Variants in SUGCT observed in about 807,000 individuals in gnomAD.
SUGCT encodes the protein succinyl-CoA:glutarate CoA-transferase.
A neutral mutation model predicts 55.0 loss-of-function variants in SUGCT; 41 were observed. That is an observed-to-expected ratio of 0.74 (90% confidence interval 0.58 to 0.97). The LOEUF is 0.97. Among genes scored for constraint, SUGCT ranks in the 50% least tolerant of loss-of-function variants. The probability of loss-of-function intolerance (pLI) is 0.00; values close to 1 mark genes in which losing one functional copy is unlikely to be tolerated. For synonymous variants in SUGCT, 187 were observed against 200.4 expected (o/e 0.93, Z 0.56); for missense variants, 568 against 547.8 (o/e 1.04, Z -0.37).
At position 40,316,807 on chromosome 7, in the gene SUGCT, G is replaced by A. The variant is rs777575898; in HGVS notation, c.768G>A (p.Lys256=). The A allele has an allele frequency of 2.0e-5, 32 of 1,603,362 alleles. No individual in the cohort carries two copies. The highest frequency in any genetic ancestry group is 2.6e-5 in the Non-Finnish European group (30 of 1,174,538). The change falls in exon 9 of 14, where the codon AAG becomes AAA. Residue 256 remains lysine, a synonymous_variant. Transcript: ENST00000335693. The part of the protein sequence containing the change: ...HIAANYLIGQ[K]EAKRWGTAHG... ...CTGCAAATTATCTTATTGGTCAAAAGGAAGCAAAACGTTGGGGTACAGCTC... is the reference window on the plus strand; with the variant it reads ...CTGCAAATTATCTTATTGGTCAAAAAGAAGCAAAACGTTGGGGTACAGCTC...
the SUGCT span, among the ~76,000 whole-genome samples, chr7:40,900,721 C>G: frequency 1.3e-5 from 2 of 152,182 alleles, no homozygotes; most frequent in African/African-American, 4.8e-5. Flanking sequence ...ACGAGGCAGC[C>G]TAGAAGCTGC....
At chr7:40,651,299 A>G (rs1416514961) in intron 12 of SUGCT, among the ~76,000 whole-genome samples, 2 of 152,108 alleles carry the variant, frequency 1.3e-5, no homozygotes, top group Admixed American at 1.3e-4. Context: ...CTGGTGTGAA[A>G]TTGTATTTCA....
intron 9 of SUGCT, among the ~76,000 whole-genome samples, chr7:40,366,151 C>G (rs913104419): frequency 5.9e-5 from 9 of 152,216 alleles, no homozygotes; most frequent in African/African-American, 2.2e-4. Flanking sequence ...CTGACAAAAA[C>G]AAGAAATGGG....
At chr7:41,008,182 G>A in the SUGCT span, among the ~76,000 whole-genome samples, 84 of 152,346 alleles carry the variant, frequency 5.5e-4, 1 homozygote, top group Non-Finnish European at 8.4e-4. Flanking sequence ...CCACTTGCCT[G>A]TGGGAGGGAG....
intron 12 of SUGCT, among the ~76,000 whole-genome samples, chr7:40,737,266 A>G (rs1012167496): frequency 2.6e-5 from 4 of 152,218 alleles, no homozygotes; most frequent in Admixed American, 1.3e-4. Context: ...GGATGTTGCT[A>G]TGAAAAAAAT....
chr7:40,157,989 A>G (rs1783976978), intron 1 of SUGCT, among the ~76,000 whole-genome samples: 1 of 152,088 alleles, frequency 6.6e-6, no homozygotes, highest in Non-Finnish European at 1.5e-5. Context: ...CAGGCAGATC[A>G]CGAGGTCAAG....
At chr7:40,184,456 A>G (rs1785384875) in intron 3 of SUGCT, among the ~76,000 whole-genome samples, 1 of 151,398 alleles carries the variant, frequency 6.6e-6, no homozygotes, top group Non-Finnish European at 1.5e-5. Flanking sequence ...TTTGTTTGAG[A>G]TGGAGTCTCA....
chr7:40,873,270 T>C, the SUGCT span, among the ~76,000 whole-genome samples: 27,198 of 152,168 alleles, frequency 0.18, 3,276 homozygotes, highest in East Asian at 0.71. Context: ...AAATGGTATT[T>C]TAAAGAATTG....
chr7:40,550,169 G>T (rs1288009911), intron 12 of SUGCT, among the ~76,000 whole-genome samples: 2 of 152,114 alleles, frequency 1.3e-5, no homozygotes, highest in Non-Finnish European at 2.9e-5. Flanking sequence ...ATCTATGCTG[G>T]TGGCTCTACT....
In SUGCT at chr7:40,677,409, A is replaced by G. The variant is rs1784054108; in HGVS notation, c.1090-72025A>G. On this transcript the variant is annotated intron_variant, in intron 12 of 13. Transcript: ENST00000335693. ...ATTAATTTACTTACCCAACAGTGTCATAAGGGACCTGAGCTGTTTGCTTGT... is the reference window on the plus strand; with the variant it reads ...ATTAATTTACTTACCCAACAGTGTCGTAAGGGACCTGAGCTGTTTGCTTGT... 2.0e-5 allele frequency among the ~76,000 whole-genome samples: 3 copies of G among 152,232 alleles called. No individual in the cohort carries two copies. In the South Asian group the frequency reaches 6.2e-4, roughly 31 times the overall value.
the SUGCT span, among the ~76,000 whole-genome samples, chr7:40,988,894 GTT>G: frequency 6.6e-6 from 1 of 151,452 alleles, no homozygotes; most frequent in African/African-American, 2.4e-5. Flanking sequence ...AATTTTTGTA[GTT>G]TTTTTTTGTT....
At chr7:40,562,673 A>T (rs1795905129) in intron 12 of SUGCT, among the ~76,000 whole-genome samples, 1 of 152,126 alleles carries the variant, frequency 6.6e-6, no homozygotes, top group Admixed American at 6.5e-5. Flanking sequence ...TAAGGGCCTG[A>T]CCTAAATCGT....
At chr7:40,153,010 A>G (rs1788662159) in intron 1 of SUGCT, 2 of 193,054 alleles carry the variant, frequency 1.0e-5, no homozygotes, top group African/African-American at 2.4e-5. Flanking sequence ...CAGCCAATTA[A>G]TGTTGATTTT....
chr7:40,923,865 T>C, the SUGCT span, among the ~76,000 whole-genome samples: 1 of 152,172 alleles, frequency 6.6e-6, no homozygotes, highest in Admixed American at 6.5e-5. Flanking sequence ...TAGAAACATT[T>C]CCCTGCTGAT....
At position 40,332,453 on chromosome 7, in the gene SUGCT, T is replaced by C. The variant is rs534276806; in HGVS notation, c.816+15598T>C. Among the ~76,000 whole-genome samples the C allele has an allele frequency of 2.2e-5, 3 of 138,164 alleles. No individual in the cohort carries two copies. In the South Asian group the frequency reaches 6.6e-4, roughly 31 times the overall value. The allele number at this position is 138,164 out of a possible 152,430, so 90.6% of individuals were successfully genotyped here. A position where few individuals can be genotyped will look rare whatever the true frequency, so the allele number is the denominator to read the frequency against. ...TGGAATCTGCATTGGATTTTTTTTT[T>C]TGTTTTTTTTTTTTTACATAGTTAA... On this transcript the variant is annotated intron_variant, in intron 9 of 13. Coordinates refer to ENST00000335693, the MANE Select transcript of SUGCT (RefSeq NM_001193313.2).
intron 12 of SUGCT, among the ~76,000 whole-genome samples, chr7:40,726,358 T>C (rs749642242): frequency 6.8e-4 from 103 of 152,184 alleles, no homozygotes; most frequent in Non-Finnish European, 1.1e-3. Context: ...AAAATATATT[T>C]ACTATTCATT....
chr7:40,503,609 A>G (rs762846569), intron 12 of SUGCT, among the ~76,000 whole-genome samples: 1 of 152,150 alleles, frequency 6.6e-6, no homozygotes, highest in Non-Finnish European at 1.5e-5. Context: ...GAAATAACGG[A>G]AATTAACTGT....
chr7:40,643,700 A>G (rs189807171), intron 12 of SUGCT, among the ~76,000 whole-genome samples: 56 of 152,346 alleles, frequency 3.7e-4, no homozygotes, highest in African/African-American at 1.3e-3. Flanking sequence ...TGCCAGTACA[A>G]TGGAAGGAGG....
intron 9 of SUGCT, among the ~76,000 whole-genome samples, chr7:40,346,635 A>G (rs1232555567): frequency 6.6e-6 from 1 of 152,352 alleles, no homozygotes; most frequent in East Asian, 1.9e-4. Context: ...GTTTGCAGAC[A>G]TACACACACA....
Sources: gnomAD v4.1 joint callset for allele counts (sites outside exome capture counted in the v4.1 genomes callset) on GRCh38, gnomAD v4.1.1 for gene constraint, MANE v1.5 for transcripts, NCBI Gene and HGNC (gene_info 2026-07-23, HGNC 2026-07-21) for gene names.